TENM1: variants seen among roughly 807,000 people sequenced by gnomAD.
TENM1 encodes the protein teneurin-1.
Under a neutral mutation model 174.8 loss-of-function variants are expected in TENM1, and 35 were observed. That is an observed-to-expected ratio of 0.20 (90% CI 0.15 to 0.27). TENM1 has a LOEUF of 0.27. Among genes scored for constraint, TENM1 ranks in the 10% least tolerant of loss-of-function variants. The pLI is 1.00. For synonymous variants in TENM1, 781 were observed against 798.7 expected, an observed-to-expected ratio of 0.98 and a Z score of 0.37; for missense variants, 1,633 against 2,130.1, an observed-to-expected ratio of 0.77 and a Z score of 4.59.
chrX:124,617,318 C>G (rs1351363992), intron 11 of TENM1, among the ~76,000 whole-genome samples: 1 of 111,856 alleles, frequency 8.9e-6, no homozygotes, highest in African/African-American at 3.2e-5. Flanking sequence ...CTAGACTGAA[C>G]AGTGCCAAGT....
chrX:124,434,080 T>C (rs2060808011), intron 23 of TENM1, among the ~76,000 whole-genome samples: 2 of 112,136 alleles, frequency 1.8e-5, no homozygotes, highest in South Asian at 7.5e-4. Flanking sequence ...TACTTTATCA[T>C]GTGTGTACAG....
At chrX:124,415,779 G>A (rs1455202264) in intron 25 of TENM1, among the ~76,000 whole-genome samples, 1 of 111,124 alleles carries the variant, frequency 9.0e-6, no homozygotes, top group African/African-American at 3.3e-5. Flanking sequence ...TAACAGGCCT[G>A]GACCCCATTC....
intron 11 of TENM1, among the ~76,000 whole-genome samples, chrX:124,596,057 T>A (rs1340090702): frequency 8.9e-6 from 1 of 112,176 alleles, no homozygotes; most frequent in Non-Finnish European, 1.9e-5. Context: ...GTTCTTTAAA[T>A]TACCTTCCTG....
intron 11 of TENM1, among the ~76,000 whole-genome samples, chrX:124,602,968 T>C (rs892122478): frequency 3.6e-5 from 4 of 111,166 alleles, no homozygotes; most frequent in African/African-American, 9.8e-5. Flanking sequence ...GGGCACTAAA[T>C]AGAATGACAA....
Position 124,583,502 on chromosome X carries a change from C to A in TENM1, c.2078-17942G>T, listed in dbSNP as rs1252017680. Among the ~76,000 whole-genome samples, 1,074 of 110,319 alleles carry A rather than the reference C, an allele frequency of 9.7e-3. 19 individuals are homozygous for A. The highest frequency in any genetic ancestry group is 0.03 in the African/African-American group (912 of 29,985). ...TGTCTGTTAGAAGGAAAACTAACAA[C>A]CAGAAAGGACATCCACACCAAAAAC... On this transcript the variant is annotated intron_variant, in intron 11 of 31. Transcript: ENST00000422452.
intron 28 of TENM1, among the ~76,000 whole-genome samples, chrX:124,391,516 TA>T (rs1288553391): frequency 9.0e-6 from 1 of 111,439 alleles, no homozygotes; most frequent in Non-Finnish European, 1.9e-5. Context: ...TTATGGATGC[TA>T]CTGGAGACTC....
chrX:124,994,238 TGGC>T, the TENM1 span, among the ~76,000 whole-genome samples: 36 of 70,862 alleles, frequency 5.1e-4, no homozygotes, highest in African/African-American at 1.0e-3. Flanking sequence ...TTTTTTTTTT[TGGC>T]AATTGACCAA....
chrX:124,392,831 T>C (rs781515950), intron 27 of TENM1, among the ~76,000 whole-genome samples: 19 of 111,744 alleles, frequency 1.7e-4, no homozygotes, highest in African/African-American at 5.5e-4. Flanking sequence ...CTCATTCACC[T>C]GGGCTTGGAG....
At chrX:124,994,589 A>G in the TENM1 span, among the ~76,000 whole-genome samples, 1 of 110,914 alleles carries the variant, frequency 9.0e-6, no homozygotes, top group Admixed American at 9.6e-5. Context: ...ATTTCAAGGA[A>G]TGACACACCA....
chrX:124,702,353 C>T (rs1347688971), intron 5 of TENM1, among the ~76,000 whole-genome samples: 1 of 111,399 alleles, frequency 9.0e-6, no homozygotes, highest in Non-Finnish European at 1.9e-5. Flanking sequence ...CACATAATGT[C>T]CAGTTCATGA....
intron 3 of TENM1, among the ~76,000 whole-genome samples, chrX:124,861,580 T>A (rs1356135690): frequency 3.6e-5 from 4 of 112,259 alleles, no homozygotes; most frequent in Non-Finnish European, 7.5e-5. Flanking sequence ...GATTGATTGA[T>A]CATTCTAATT....
rs1455907570 is a variant in TENM1 at position 124,809,869 on chromosome X, AG to A, written c.536-72673del. On this transcript the variant is annotated intron_variant, in intron 3 of 31. Coordinates refer to ENST00000422452, the Ensembl canonical transcript of TENM1. Reference sequence around the variant, plus strand: ...GAGAGAGAGAGAGAGAGAGAGAGAGAGAGAGAGAGAAGCAGGAAGCACCAGA... The same window carrying A: ...GAGAGAGAGAGAGAGAGAGAGAGAGAAGAGAGAGAAGCAGGAAGCACCAGA... Among the ~76,000 whole-genome samples the A allele has an allele frequency of 1.7e-3, 179 of 108,402 alleles. 3 individuals are homozygous for A. The highest frequency in any genetic ancestry group is 2.7e-3 in the African/African-American group (82 of 29,828). The allele number at this position is 108,402 out of a possible 115,157, so 94.1% of individuals were successfully genotyped here.
intron 11 of TENM1, among the ~76,000 whole-genome samples, chrX:124,638,696 T>C (rs1409862895): frequency 1.8e-5 from 2 of 111,363 alleles, no homozygotes; most frequent in Non-Finnish European, 3.8e-5. Context: ...TCTTCTCTAA[T>C]TTCATTATTG....
chrX:124,951,642 ATAT>A (rs2058486823), intron 1 of TENM1, among the ~76,000 whole-genome samples: 1 of 19,097 alleles, frequency 5.2e-5, no homozygotes, highest in Admixed American at 5.8e-4. Flanking sequence ...AAGTTAAAAT[ATAT>A]ATATATATAT....
At chrX:124,406,323 T>G in exon 26 of TENM1, 1 of 1,204,114 alleles carries the variant, frequency 8.3e-7, no homozygotes, top group Non-Finnish European at 1.1e-6. Context: ...TTACCTTGTT[T>G]TAAAATATAT....
chrX:125,135,699 A>G, the TENM1 span, among the ~76,000 whole-genome samples: 1 of 112,044 alleles, frequency 8.9e-6, no homozygotes, highest in African/African-American at 3.2e-5. Context: ...GGATATTCAA[A>G]GATTACTGAT....
chrX:124,586,750 C>T (rs1209436679), intron 11 of TENM1, among the ~76,000 whole-genome samples: 22 of 105,719 alleles, frequency 2.1e-4, no homozygotes, highest in Admixed American at 8.1e-4. Context: ...GTCAAATTGT[C>T]CCTGTTTGCA....
At chrX:124,548,736 C>G (rs2048488533) in intron 14 of TENM1, among the ~76,000 whole-genome samples, 2 of 111,397 alleles carry the variant, frequency 1.8e-5, no homozygotes, top group African/African-American at 6.5e-5. Context: ...TTTCCTGCAG[C>G]TCTTTTGCTT....
intron 1 of TENM1, among the ~76,000 whole-genome samples, chrX:124,962,825 GACAAAACAAAACAAA>G (rs754930625): frequency 3.6e-5 from 4 of 110,300 alleles, no homozygotes; most frequent in Admixed American, 1.9e-4. Context: ...CTCAAAACAA[GACAAAACAAAACAAA>G]ACAAAACAAA....
Sources: allele counts gnomAD v4.1 joint callset (sites outside exome capture counted in the v4.1 genomes callset), GRCh38; gene constraint gnomAD v4.1.1; transcripts MANE v1.5; gene names NCBI Gene and HGNC (gene_info 2026-07-23, HGNC 2026-07-21).